Variants in ATP8A2 observed in about 807,000 individuals in gnomAD.
ATP8A2 encodes the protein phospholipid-transporting ATPase IB.
ATP8A2 carries 100 observed loss-of-function variants against 165.6 expected under a neutral mutation model. That is an observed-to-expected ratio of 0.60 (90% CI 0.51 to 0.71). The LOEUF (loss-of-function observed/expected upper bound fraction) is 0.71, where lower values mean the gene tolerates loss of function less well. Ranked by LOEUF, ATP8A2 falls within the 30% of genes least tolerant of loss-of-function variation. ATP8A2 has a pLI of 0.00. For synonymous variants in ATP8A2, 543 were observed against 548.8 expected, an observed-to-expected ratio of 0.99 and a Z score of 0.15; for missense variants, 1,227 against 1,479.5, an observed-to-expected ratio of 0.83 and a Z score of 2.80.
At chr13:25,708,515 C>T (rs748321445) in intron 25 of ATP8A2, among the ~76,000 whole-genome samples, 7 of 152,142 alleles carry the variant, frequency 4.6e-5, no homozygotes, top group Non-Finnish European at 8.8e-5. Context: ...GACACTTTCC[C>T]TCATCTGTCA....
chr13:25,794,859 A>ACACACACACACC (rs1378534914), intron 27 of ATP8A2, among the ~76,000 whole-genome samples: 2 of 143,604 alleles, frequency 1.4e-5, no homozygotes, highest in Non-Finnish European at 3.1e-5. Flanking sequence ...ACACACACAC[A>ACACACACACACC]CCTTCTCTCT....
At position 25,852,788 on chromosome 13, in the gene ATP8A2, C is replaced by T. The variant is rs116618896; in HGVS notation, c.2957-7407C>T. On this transcript the variant is annotated intron_variant, in intron 30 of 36. Coordinates refer to ENST00000381655, the MANE Select transcript of ATP8A2 (RefSeq NM_016529.6). The stretch of plus-strand genomic sequence containing the variant: ...GGTCAGGAGTTCGCGGCCAGCCTGA[C>T]TAACATGGTAAAGGCTGAGACAGGA... Among the ~76,000 whole-genome samples the T allele has an allele frequency of 8.0e-4, 122 of 151,978 alleles. 1 individual carries two copies. Among genetic ancestry groups the T allele is most frequent in the African/African-American group, 2.9e-3 (120 of 41,424 alleles).
At chr13:25,715,223 C>T (rs545194748) in intron 25 of ATP8A2, among the ~76,000 whole-genome samples, 1 of 152,108 alleles carries the variant, frequency 6.6e-6, no homozygotes, top group Non-Finnish European at 1.5e-5. Flanking sequence ...CCGAATCACC[C>T]AGGTCTGCAA....
chr13:25,666,245 C>G (rs2042151553), intron 24 of ATP8A2, among the ~76,000 whole-genome samples: 1 of 152,014 alleles, frequency 6.6e-6, no homozygotes, highest in African/African-American at 2.4e-5. Flanking sequence ...TAGTCTTGCT[C>G]TGTCACCCAG....
At chr13:25,590,458 A>G (rs146034987) in intron 24 of ATP8A2, among the ~76,000 whole-genome samples, 3 of 152,304 alleles carry the variant, frequency 2.0e-5, no homozygotes, top group Admixed American at 2.0e-4. Flanking sequence ...TAGTAATAGG[A>G]TACATGTATA....
chr13:25,440,033 T>TG (rs2034888957), intron 1 of ATP8A2, among the ~76,000 whole-genome samples: 1 of 152,142 alleles, frequency 6.6e-6, no homozygotes, highest in African/African-American at 2.4e-5. Context: ...AGAAGTTCTG[T>TG]GGGGTGCATG....
intron 25 of ATP8A2, among the ~76,000 whole-genome samples, chr13:25,756,865 C>T (rs902165022): frequency 2.0e-5 from 3 of 152,192 alleles, no homozygotes; most frequent in Non-Finnish European, 4.4e-5. Context: ...GCTTAAGGAA[C>T]ATTAGAAATC....
chr13:25,480,322 G>T (rs1257980849), intron 2 of ATP8A2, among the ~76,000 whole-genome samples: 2 of 151,778 alleles, frequency 1.3e-5, no homozygotes, highest in Non-Finnish European at 2.9e-5. Flanking sequence ...TCCCGGACGG[G>T]GCGGCTGCCG....
chr13:25,935,738 A>G lies in ATP8A2; in HGVS notation c.3184-25837A>G, dbSNP rs117681303. ...AGCCATTAGTGAGGGATCTGCCCCC[A>G]TGGTCCAAACACCTCCCATGAGACC... On this transcript the variant is annotated intron_variant, in intron 33 of 36. Transcript: ENST00000381655. Among the ~76,000 whole-genome samples, 1,135 of 152,250 alleles carry G rather than the reference A, an allele frequency of 7.5e-3. 17 individuals carry two copies. Among genetic ancestry groups the G allele is most frequent in the East Asian group, 0.062 (319 of 5,164 alleles).
At chr13:25,970,865 T>C (rs963388926) in intron 35 of ATP8A2, among the ~76,000 whole-genome samples, 8 of 152,208 alleles carry the variant, frequency 5.3e-5, no homozygotes, top group Admixed American at 2.0e-4. Context: ...AATTCACTTA[T>C]CCTGTTCAAA....
rs752179775 is a variant in ATP8A2 at position 25,769,027 on chromosome 13, T to A, written c.2385-19T>A. 2.5e-6 allele frequency: 4 copies of A among 1,612,580 alleles called. No individual in the cohort carries two copies. The African/African-American group carries it at 5.3e-5, about 21-fold the overall frequency. Reference sequence around the variant, plus strand: ...TGGAAAGACATGCATAGCTCTGATTTCCCTCTCTTTTCTCACAGAGTGTCT... The same window carrying A: ...TGGAAAGACATGCATAGCTCTGATTACCCTCTCTTTTCTCACAGAGTGTCT... On this transcript the variant is annotated intron_variant, in intron 25 of 36. Coordinates refer to ENST00000381655, the MANE Select transcript of ATP8A2 (RefSeq NM_016529.6).
chr13:26,014,884 A>G (rs539711661), intron 36 of ATP8A2, among the ~76,000 whole-genome samples: 6 of 152,326 alleles, frequency 3.9e-5, no homozygotes, highest in Non-Finnish European at 8.8e-5. Flanking sequence ...GTGAGTCTTC[A>G]TGACAGCATG....
At chr13:25,769,908 G>A (rs1452506613) in intron 26 of ATP8A2, among the ~76,000 whole-genome samples, 1 of 152,182 alleles carries the variant, frequency 6.6e-6, no homozygotes, top group African/African-American at 2.4e-5. Flanking sequence ...CTGCACTGGT[G>A]GCCTGAGGAT....
chr13:25,433,012 T>G (rs984432932), intron 1 of ATP8A2, among the ~76,000 whole-genome samples: 2 of 152,224 alleles, frequency 1.3e-5, no homozygotes, highest in Non-Finnish European at 2.9e-5. Context: ...TTCCACAGTT[T>G]GGAGAAATCT....
chr13:25,597,139 C>T (rs1207958015), intron 24 of ATP8A2, among the ~76,000 whole-genome samples: 1 of 152,130 alleles, frequency 6.6e-6, no homozygotes, highest in Non-Finnish European at 1.5e-5. Flanking sequence ...TAAGAGTTTT[C>T]TGAATATATA....
At chr13:25,465,667 CT>C (rs1215571751) in intron 1 of ATP8A2, among the ~76,000 whole-genome samples, 2 of 5,634 alleles carry the variant, frequency 3.5e-4, no homozygotes, top group South Asian at 5.7e-3. Context: ...GCAGAGTTTT[CT>C]TTCTTTCTTT....
intron 2 of ATP8A2, among the ~76,000 whole-genome samples, chr13:25,489,085 C>T (rs1374767083): frequency 6.6e-6 from 1 of 152,068 alleles, no homozygotes; most frequent in African/African-American, 2.4e-5. Context: ...TCTCTCGTGT[C>T]TCCACCTGTG....
intron 24 of ATP8A2, among the ~76,000 whole-genome samples, chr13:25,660,602 T>C (rs995581017): frequency 4.6e-5 from 7 of 151,570 alleles, no homozygotes; most frequent in African/African-American, 1.7e-4. Flanking sequence ...CATAAAAGGG[T>C]GCTCCAGGTT....
intron 35 of ATP8A2, among the ~76,000 whole-genome samples, chr13:26,007,267 G>A (rs555436001): frequency 6.6e-6 from 1 of 152,092 alleles, no homozygotes; most frequent in African/African-American, 2.4e-5. Context: ...ATTCACAATG[G>A]TCTCCTTTCC....
Sources: allele counts gnomAD v4.1 joint callset (sites outside exome capture counted in the v4.1 genomes callset), GRCh38; gene constraint gnomAD v4.1.1; transcripts MANE v1.5; gene names NCBI Gene and HGNC (gene_info 2026-07-23, HGNC 2026-07-21).